The following TRERF1 variants were observed in gnomAD, a reference collection of about 807,000 sequenced individuals.
TRERF1 encodes the protein transcriptional-regulating factor 1.
A neutral mutation model predicts 122.9 loss-of-function variants in TRERF1; 27 were observed. That is an observed-to-expected ratio of 0.22 (90% CI 0.16 to 0.30). The LOEUF (loss-of-function observed/expected upper bound fraction) is 0.30. Among genes scored for constraint, TRERF1 ranks in the 10% least tolerant of loss-of-function variants. The pLI is 1.00. For synonymous variants in TRERF1, 636 were observed against 641.7 expected, an observed-to-expected ratio of 0.99 and a Z score of 0.13; for missense variants, 1,248 against 1,560.3, an observed-to-expected ratio of 0.80 and a Z score of 3.37.
At chr6:42,240,722 T>C (rs535021610) in intron 15 of TRERF1, among the ~76,000 whole-genome samples, 12 of 152,198 alleles carry the variant, frequency 7.9e-5, no homozygotes, top group Non-Finnish European at 1.8e-4. Context: ...TCCACTTACA[T>C]GTGTTATATC....
At chr6:42,282,472 C>T (rs1319968090) in intron 4 of TRERF1, among the ~76,000 whole-genome samples, 1 of 152,146 alleles carries the variant, frequency 6.6e-6, no homozygotes, top group Admixed American at 6.6e-5. Flanking sequence ...CAATTGAGCC[C>T]AGAAGGTTAA....
intron 4 of TRERF1, among the ~76,000 whole-genome samples, chr6:42,272,156 G>C (rs1354416412): frequency 1.3e-5 from 2 of 152,230 alleles, no homozygotes; most frequent in Non-Finnish European, 2.9e-5. Context: ...AAAACTGTAT[G>C]AAGGGGCAAA....
chr6:42,383,679 C>T (rs1000107402), intron 2 of TRERF1, among the ~76,000 whole-genome samples: 7 of 152,144 alleles, frequency 4.6e-5, no homozygotes, highest in Non-Finnish European at 8.8e-5. Context: ...ATCCATCCCA[C>T]TCACCAAAGC....
intron 2 of TRERF1, among the ~76,000 whole-genome samples, chr6:42,435,800 C>A (rs1408816169): frequency 1.4e-5 from 2 of 143,290 alleles, no homozygotes; most frequent in Admixed American, 7.4e-5. Context: ...ATAGTGAAAC[C>A]CCGTCTTTAC....
exon 11 of TRERF1, chr6:42,257,090 A>C: frequency 2.5e-6 from 4 of 1,614,218 alleles, no homozygotes; most frequent in Non-Finnish European, 3.4e-6. Context: ...ATCTCAAGCC[A>C]ATGTTGATGC....
rs376855390 is a variant in TRERF1, at chr6:42,259,769, G to A, written c.1885-46C>T. On this transcript the variant is annotated intron_variant, in intron 8 of 17. Transcript: ENST00000372922. The surrounding 1 kb of genome is among the most constrained non-coding windows in gnomAD (Gnocchi z 4.9). The stretch of plus-strand genomic sequence containing the variant: ...TGATTCGAATACTTCAGCTTCCCCC[G>A]CAGGCCATTTCCACAGGTTCAGGGA... The A allele has an allele frequency of 3.3e-5, 53 of 1,596,912 alleles. No individual in the cohort carries two copies. Among genetic ancestry groups the A allele is most frequent in the Middle Eastern group, 1.7e-4 (1 of 5,986 alleles).
chr6:42,245,257 G>A (rs1774551107), intron 14 of TRERF1, among the ~76,000 whole-genome samples: 1 of 152,366 alleles, frequency 6.6e-6, no homozygotes, highest in Middle Eastern at 3.4e-3. Flanking sequence ...GGCACACAGG[G>A]CAGCAAAGGC....
intron 3 of TRERF1, among the ~76,000 whole-genome samples, chr6:42,358,706 T>C (rs1163640180): frequency 2.0e-5 from 3 of 152,126 alleles, no homozygotes; most frequent in Admixed American, 1.3e-4. Flanking sequence ...AGCTTTGTGA[T>C]GAGTGTTAAG....
intron 3 of TRERF1, among the ~76,000 whole-genome samples, chr6:42,323,557 T>A (rs1012439661): frequency 1.1e-4 from 17 of 152,046 alleles, no homozygotes; most frequent in Non-Finnish European, 1.3e-4. Flanking sequence ...CTGCATTCTA[T>A]CATGGGAGAG....
Position 42,259,619 on chromosome 6 carries a change from G to T in TRERF1, c.1989C>A (p.Ile663=). 6.2e-7 allele frequency: 1 copy of T among 1,613,744 alleles called. No individual in the cohort carries two copies. Residue 663 remains isoleucine, a synonymous_variant, in exon 9 of 18, where the codon ATC becomes ATA. Coordinates refer to ENST00000372922, the Ensembl canonical transcript of TRERF1. The surrounding 1 kb of genome is among the most constrained non-coding windows in gnomAD (Gnocchi z 4.9). ...TCGGGTTGTAGGAGGGCGGCGGCGG[G>T]ATGAAGAGAGGTTCCGGCCGGTGCC...
intron 3 of TRERF1, among the ~76,000 whole-genome samples, chr6:42,305,997 T>TTTTTTC (rs1787156105): frequency 1.9e-5 from 1 of 52,304 alleles, no homozygotes; most frequent in Non-Finnish European, 3.9e-5. Context: ...TATCTCTCCT[T>TTTTTTC]TTTTTTTTTT....
chr6:42,327,549 G>C (rs755161955), intron 3 of TRERF1, among the ~76,000 whole-genome samples: 1 of 152,262 alleles, frequency 6.6e-6, no homozygotes, highest in East Asian at 1.9e-4. Flanking sequence ...TCCGAGTGCC[G>C]AGCTATCCCA....
chr6:42,318,027 G>T (rs1256180251), intron 3 of TRERF1, among the ~76,000 whole-genome samples: 2 of 151,876 alleles, frequency 1.3e-5, no homozygotes, highest in South Asian at 2.1e-4. Context: ...GGTGGCAGGC[G>T]CCTGTAATCC....
At chr6:42,295,182 T>G (rs1005152037) in intron 4 of TRERF1, among the ~76,000 whole-genome samples, 2 of 152,214 alleles carry the variant, frequency 1.3e-5, no homozygotes, top group South Asian at 2.1e-4. Context: ...TTCACCCTTC[T>G]AAATATTTGA....
At chr6:42,320,666 C>A (rs988014348) in intron 3 of TRERF1, among the ~76,000 whole-genome samples, 1 of 152,102 alleles carries the variant, frequency 6.6e-6, no homozygotes, top group Non-Finnish European at 1.5e-5. Context: ...CCCGCCACAA[C>A]GTCCGGCTAA....
At chr6:42,372,522 C>T (rs1433078605) in intron 2 of TRERF1, among the ~76,000 whole-genome samples, 1 of 152,138 alleles carries the variant, frequency 6.6e-6, no homozygotes, top group Non-Finnish European at 1.5e-5. Flanking sequence ...GTTCCCTTCC[C>T]CCTAACTAAC....
chr6:42,289,423 GAGCTAA>G (rs1783909341), intron 4 of TRERF1, among the ~76,000 whole-genome samples: 1 of 150,080 alleles, frequency 6.7e-6, no homozygotes, highest in Non-Finnish European at 1.5e-5. Flanking sequence ...GATCAAGGGT[GAGCTAA>G]GTTCTTCTGT....
intron 3 of TRERF1, among the ~76,000 whole-genome samples, chr6:42,353,601 C>A (rs976291932): frequency 1.1e-4 from 17 of 151,230 alleles, no homozygotes; most frequent in Non-Finnish European, 2.2e-4. Flanking sequence ...AAAACAAAAA[C>A]AAACAAACGA....
At chr6:42,282,849 C>T (rs2150059818) in intron 4 of TRERF1, among the ~76,000 whole-genome samples, 1 of 152,288 alleles carries the variant, frequency 6.6e-6, no homozygotes, top group Middle Eastern at 3.4e-3. Context: ...GGGTTAGGTT[C>T]CTGCAAGCCC....
Sources: gnomAD v4.1 joint callset for allele counts (sites outside exome capture counted in the v4.1 genomes callset) on GRCh38, gnomAD v4.1.1 for gene constraint, Gnocchi (gnomAD v3.1) non-coding constraint, MANE v1.5 for transcripts, NCBI Gene and HGNC (gene_info 2026-07-23, HGNC 2026-07-21) for gene names.